Variants in SPAG16 observed in about 807,000 individuals in gnomAD.
The protein encoded by SPAG16 is sperm associated antigen 16, also known as sperm-associated antigen 16 protein.
Under a neutral mutation model 80.4 loss-of-function variants are expected in SPAG16, and 86 were observed. The observed-to-expected ratio is 1.07, with a 90% CI of 0.90 to 1.28. SPAG16 has a LOEUF of 1.28. SPAG16 is among the 50% of genes most tolerant of loss of function. The pLI is 0.00. For missense variants in SPAG16, 870 were observed against 765.3 expected (o/e 1.14, Z -1.61); for synonymous variants, 294 against 265.9 (o/e 1.11, Z -1.03).
intron 15 of SPAG16, among the ~76,000 whole-genome samples, chr2:214,233,795 A>T (rs1688874915): frequency 6.6e-6 from 1 of 152,120 alleles, no homozygotes. Context: ...TGAGGATGTA[A>T]AAAAAATTAT....
At chr2:213,717,577 C>T (rs768379633) in intron 10 of SPAG16, among the ~76,000 whole-genome samples, 1 of 151,724 alleles carries the variant, frequency 6.6e-6, no homozygotes, top group Non-Finnish European at 1.5e-5. Context: ...AAACAAGTTT[C>T]CAGATGGTCT....
At chr2:213,640,361 C>T (rs1199589073) in intron 10 of SPAG16, among the ~76,000 whole-genome samples, 1 of 152,114 alleles carries the variant, frequency 6.6e-6, no homozygotes, top group Non-Finnish European at 1.5e-5. Flanking sequence ...GGTTCCTTCT[C>T]ATTTGGGTAG....
chr2:213,296,168 A>G lies in SPAG16; in HGVS notation c.183+58A>G, dbSNP rs865890769. 1.4e-5 allele frequency: 17 copies of G among 1,238,600 alleles called. No individual in the cohort carries two copies. In the Middle Eastern group the frequency reaches 1.9e-3, roughly 141 times the overall value. The allele number at this position is 1,238,600 out of a possible 1,614,324, so 76.7% of individuals were successfully genotyped here. On this transcript the variant is annotated intron_variant, in intron 2 of 15. Coordinates refer to ENST00000331683, the MANE Select transcript of SPAG16 (RefSeq NM_024532.5). ...AATTTATTGCAGTCATTCTCATGAA[A>G]TGCTCATTTTATTTTCTGAAACATG...
chr2:213,804,145 C>G (rs925709022), intron 10 of SPAG16, among the ~76,000 whole-genome samples: 1 of 151,894 alleles, frequency 6.6e-6, no homozygotes, highest in Non-Finnish European at 1.5e-5. Flanking sequence ...AAATTGGGCA[C>G]AAAAAAACAG....
chr2:214,131,136 T>C (rs1349101608), intron 14 of SPAG16, among the ~76,000 whole-genome samples: 2 of 152,060 alleles, frequency 1.3e-5, no homozygotes, highest in Non-Finnish European at 2.9e-5. Flanking sequence ...CTTGATAAAC[T>C]AGGCTAGGTG....
At chr2:213,610,919 C>G (rs1251719808) in intron 10 of SPAG16, among the ~76,000 whole-genome samples, 1 of 152,202 alleles carries the variant, frequency 6.6e-6, no homozygotes, top group Non-Finnish European at 1.5e-5. Context: ...ATCGGGATAT[C>G]TGGACACTCC....
chr2:213,858,489 T>C (rs1316648607), intron 10 of SPAG16, among the ~76,000 whole-genome samples: 1 of 152,232 alleles, frequency 6.6e-6, no homozygotes, highest in African/African-American at 2.4e-5. Flanking sequence ...AATACTATTA[T>C]ATACTTAATA....
intron 10 of SPAG16, among the ~76,000 whole-genome samples, chr2:213,665,497 C>A (rs2063569212): frequency 6.6e-6 from 1 of 151,996 alleles, no homozygotes; most frequent in African/African-American, 2.4e-5. Context: ...AGAAAGATTG[C>A]AAATTTCAAA....
intron 14 of SPAG16, among the ~76,000 whole-genome samples, chr2:214,121,045 C>A (rs2054195940): frequency 1.3e-5 from 2 of 151,668 alleles, no homozygotes; most frequent in Admixed American, 1.3e-4. Flanking sequence ...TCCGTCATAG[C>A]TAGCAATTGT....
At chr2:214,254,483 T>G in intron 15 of SPAG16, among the ~76,000 whole-genome samples, 1 of 151,994 alleles carries the variant, frequency 6.6e-6, no homozygotes, top group African/African-American at 2.4e-5. Flanking sequence ...TTATTGAGAG[T>G]TTTTAACATG....
At chr2:213,698,059 T>G (rs1371347578) in intron 10 of SPAG16, among the ~76,000 whole-genome samples, 1 of 152,164 alleles carries the variant, frequency 6.6e-6, no homozygotes, top group African/African-American at 2.4e-5. Context: ...AGTATATTAT[T>G]TTTACTTCTA....
At chr2:213,494,469 A>G (rs2125747939) in intron 10 of SPAG16, among the ~76,000 whole-genome samples, 1 of 152,050 alleles carries the variant, frequency 6.6e-6, no homozygotes, top group African/African-American at 2.4e-5. Context: ...TCATTCCCTC[A>G]CCCTGCAATT....
At chr2:214,261,788 T>A (rs2125873714) in intron 15 of SPAG16, among the ~76,000 whole-genome samples, 1 of 152,244 alleles carries the variant, frequency 6.6e-6, no homozygotes, top group African/African-American at 2.4e-5. Flanking sequence ...GAGTTTAAAG[T>A]TTGTATTCTA....
intron 15 of SPAG16, among the ~76,000 whole-genome samples, chr2:214,186,651 A>G (rs2057487347): frequency 6.6e-6 from 1 of 152,166 alleles, no homozygotes; most frequent in Non-Finnish European, 1.5e-5. Flanking sequence ...GATGGAGGTA[A>G]TGAATACTAA....
intron 10 of SPAG16, among the ~76,000 whole-genome samples, chr2:213,528,277 T>C (rs1010767921): frequency 6.6e-6 from 1 of 152,116 alleles, no homozygotes; most frequent in African/African-American, 2.4e-5. Flanking sequence ...GATACTATTA[T>C]AATACCTAGA....
In SPAG16 at chr2:213,554,601, A is replaced by C. The variant is rs558623300; in HGVS notation, c.1070+64511A>C. Among the ~76,000 whole-genome samples, 27 of 152,320 alleles carry C rather than the reference A, an allele frequency of 1.8e-4. No homozygotes were observed. The South Asian group carries it at 5.2e-3, about 29-fold the overall frequency. On this transcript the variant is annotated intron_variant, in intron 10 of 15. Coordinates refer to ENST00000331683, the MANE Select transcript of SPAG16 (RefSeq NM_024532.5). ...TGGAAGTTCGGTGAACTTCAATAAA[A>C]TACAGATAAATAATTCAATTAAATA...
At chr2:213,352,046 T>C (rs910651580) in intron 7 of SPAG16, among the ~76,000 whole-genome samples, 1 of 152,034 alleles carries the variant, frequency 6.6e-6, no homozygotes, top group Non-Finnish European at 1.5e-5. Flanking sequence ...GGCATTTCTT[T>C]TGCTTGCACT....
intron 10 of SPAG16, among the ~76,000 whole-genome samples, chr2:213,536,912 C>A (rs2125903667): frequency 6.6e-6 from 1 of 151,898 alleles, no homozygotes; most frequent in Admixed American, 6.6e-5. Flanking sequence ...TGGAACCAAC[C>A]CAAATGTCCA....
chr2:213,708,657 C>CA (rs1253309696), intron 10 of SPAG16, among the ~76,000 whole-genome samples: 1 of 151,938 alleles, frequency 6.6e-6, no homozygotes, highest in African/African-American at 2.4e-5. Flanking sequence ...ACTAAAAATA[C>CA]AAAAAAATTA....
Sources: gnomAD v4.1 joint callset for allele counts (sites outside exome capture counted in the v4.1 genomes callset) on GRCh38, gnomAD v4.1.1 for gene constraint, MANE v1.5 for transcripts, NCBI Gene and HGNC (gene_info 2026-07-23, HGNC 2026-07-21) for gene names.